Variants in HNRNPA1L2 observed in about 807,000 individuals in gnomAD.
The protein encoded by HNRNPA1L2 is heterogeneous nuclear ribonucleoprotein A1-like 2.
A neutral mutation model predicts 18.2 loss-of-function variants in HNRNPA1L2; 10 were observed. That is an observed-to-expected ratio of 0.55 (90% confidence interval 0.34 to 0.93). The LOEUF (loss-of-function observed/expected upper bound fraction) is 0.93. Ranked by LOEUF, HNRNPA1L2 falls within the 40% of genes least tolerant of loss-of-function variation. The probability of loss-of-function intolerance (pLI) is 0.02; values close to 1 mark genes in which losing one functional copy is unlikely to be tolerated. For synonymous variants in HNRNPA1L2, 124 were observed against 138.6 expected, an observed-to-expected ratio of 0.89 and a Z score of 0.74; for missense variants, 308 against 394.4, an observed-to-expected ratio of 0.78 and a Z score of 1.85.
In HNRNPA1L2 at chr13:52,642,765, C is replaced by A. The variant is rs1961701128; in HGVS notation, c.273C>A (p.Ser91=). 1 of 1,598,370 alleles carries A rather than the reference C, an allele frequency of 6.3e-7. No homozygotes were observed. The highest frequency in any genetic ancestry group is 1.3e-5 in the African/African-American group (1 of 74,960). Residue 91 remains serine, a synonymous_variant, in exon 1 of 1, where the codon TCC becomes TCA. Coordinates refer to ENST00000357495, the MANE Select transcript of HNRNPA1L2 (RefSeq NM_001389320.1). ...TTGTGGAACCAAAGAGAGCTGTCTC[C>A]AGAGAAGATTCTCAAAGACCAGGTG... ...GRVVEPKRAV[S]REDSQRPGAH...
the HNRNPA1L2 span, among the ~76,000 whole-genome samples, chr13:52,626,357 G>A: frequency 1.3e-5 from 2 of 150,392 alleles, no homozygotes; most frequent in Admixed American, 6.7e-5. Context: ...TCAGGAAGAT[G>A]ATGTGGGAGG....
At position 52,643,377 on chromosome 13, in the gene HNRNPA1L2, C is replaced by G; in HGVS notation, c.885C>G (p.Tyr295Ter). 1 of 1,598,640 alleles carries G rather than the reference C, an allele frequency of 6.3e-7. No homozygotes were observed. Among genetic ancestry groups the G allele is most frequent in the Non-Finnish European group, 8.5e-7 (1 of 1,179,778 alleles). ...SSGPYGGGGQ[Y>*]FAKPQNQGGY... ...GCCCCTATGGCGGTGGAGGCCAATA[C>G]TTTGCAAAACCACAAAACCAAGGTG... The change falls in exon 1 of 1, where the codon TAC becomes TAG. Residue 295 changes from tyrosine to a stop codon, truncating the protein, a stop_gained. Coordinates refer to ENST00000357495, the MANE Select transcript of HNRNPA1L2 (RefSeq NM_001389320.1). LOFTEE classifies it high-confidence loss of function.
the HNRNPA1L2 span, among the ~76,000 whole-genome samples, chr13:52,620,902 T>C: frequency 0.061 from 9,336 of 151,924 alleles, 328 homozygotes; most frequent in African/African-American, 0.095. Context: ...AATTTCTATA[T>C]ATATTAAAGT....
At chr13:52,619,892 G>T in the HNRNPA1L2 span, among the ~76,000 whole-genome samples, 3 of 127,878 alleles carry the variant, frequency 2.3e-5, no homozygotes, top group Non-Finnish European at 1.5e-5. Context: ...CTGCACTCTA[G>T]CCTGGCGACA....
At chr13:52,627,319 T>A in the HNRNPA1L2 span, 1 of 152,376 alleles carries the variant, frequency 6.6e-6, no homozygotes, top group Non-Finnish European at 1.5e-5. Context: ...AATTGAATGA[T>A]ACTTTTTTGA....
rs763531396 is a variant in HNRNPA1L2 at position 52,642,582 on chromosome 13, G to A, written c.90G>A (p.Leu30=). ...GLSFETTDES[L]RSHFEQWGTL... ...GCTTTGAAACAACTGATGAGAGCCTGAGGAGCCATTTTGAGCAATGGGGAA... is the reference window on the plus strand; with the variant it reads ...GCTTTGAAACAACTGATGAGAGCCTAAGGAGCCATTTTGAGCAATGGGGAA... The change falls in exon 1 of 1, where the codon CTG becomes CTA. Residue 30 remains leucine (L), a synonymous_variant. Transcript: ENST00000357495. 2.8e-5 allele frequency: 45 copies of A among 1,611,850 alleles called. No homozygotes were observed. Among genetic ancestry groups the A allele is most frequent in the Non-Finnish European group, 3.6e-5 (42 of 1,179,860 alleles).
At chr13:52,630,470 TC>T in the HNRNPA1L2 span, among the ~76,000 whole-genome samples, 1 of 152,098 alleles carries the variant, frequency 6.6e-6, no homozygotes, top group Admixed American at 6.5e-5. Flanking sequence ...AGACAGGGTT[TC>T]ACCATGTTGG....
chr13:52,625,389 A>G, the HNRNPA1L2 span, among the ~76,000 whole-genome samples: 1 of 152,148 alleles, frequency 6.6e-6, no homozygotes, highest in Non-Finnish European at 1.5e-5. Flanking sequence ...TGCTGGGATT[A>G]CTGCCATGAG....
chr13:52,621,207 T>A, the HNRNPA1L2 span, among the ~76,000 whole-genome samples: 1 of 152,182 alleles, frequency 6.6e-6, no homozygotes, highest in Admixed American at 6.5e-5. Flanking sequence ...AGTATAGATG[T>A]AATCATTTGT....
the HNRNPA1L2 span, among the ~76,000 whole-genome samples, chr13:52,620,082 T>C: frequency 1.3e-5 from 2 of 152,186 alleles, no homozygotes; most frequent in Non-Finnish European, 2.9e-5. Flanking sequence ...TCTGACGTTT[T>C]CATAAGCAGA....
Position 52,643,263 on chromosome 13 carries a change from T to C in HNRNPA1L2, c.771T>C (p.Gly257=), listed in dbSNP as rs1224292000. 1 of 1,591,830 alleles carries C rather than the reference T, an allele frequency of 6.3e-7. No homozygotes were observed. Among genetic ancestry groups the C allele is most frequent in the Non-Finnish European group, 8.5e-7 (1 of 1,174,850 alleles). The change falls in exon 1 of 1, where the codon GGT becomes GGC. Residue 257 remains glycine (G), a synonymous_variant. Coordinates refer to ENST00000357495, the MANE Select transcript of HNRNPA1L2 (RefSeq NM_001389320.1). ...FGNDGSNFGG[G]GSYNDFGNYN... ...ATGATGGAAGCAATTTTGGAGGTGG[T>C]GGAAGCTACAATGATTTTGGCAATT...
At chr13:52,629,367 G>A in the HNRNPA1L2 span, 1 of 225,786 alleles carries the variant, frequency 4.4e-6, no homozygotes. Flanking sequence ...CAGGTATCAG[G>A]CTTTGTAGTC....
At chr13:52,631,342 A>AC in the HNRNPA1L2 span, among the ~76,000 whole-genome samples, 12 of 152,232 alleles carry the variant, frequency 7.9e-5, 1 homozygote, top group Admixed American at 6.5e-4. Flanking sequence ...TAGAAAAGAA[A>AC]CCACGTATAA....
the HNRNPA1L2 span, among the ~76,000 whole-genome samples, chr13:52,631,106 C>T: frequency 6.6e-6 from 1 of 152,130 alleles, no homozygotes; most frequent in Non-Finnish European, 1.5e-5. Context: ...AAGTTGTTCA[C>T]CCTGATATGA....
chr13:52,629,957 G>A, the HNRNPA1L2 span, among the ~76,000 whole-genome samples: 1 of 152,114 alleles, frequency 6.6e-6, no homozygotes, highest in Non-Finnish European at 1.5e-5. Context: ...ACGTGGTGGT[G>A]AGCTCCTGCA....
the HNRNPA1L2 span, chr13:52,617,728 C>T: frequency 2.3e-6 from 1 of 432,114 alleles, no homozygotes; most frequent in Non-Finnish European, 4.2e-6. Context: ...TCGGGCATCC[C>T]TGTGCCCCGT....
chr13:52,625,944 T>A, the HNRNPA1L2 span, among the ~76,000 whole-genome samples: 1 of 147,898 alleles, frequency 6.8e-6, no homozygotes, highest in African/African-American at 2.5e-5. Context: ...TCCTGGCTAA[T>A]TTTTTTTTTT....
In HNRNPA1L2 at chr13:52,643,712, A is replaced by G. The variant is rs1961743495; in HGVS notation, c.*257A>G. On this transcript the variant is annotated 3_prime_UTR_variant, in exon 1 of 1. Coordinates refer to ENST00000357495, the MANE Select transcript of HNRNPA1L2 (RefSeq NM_001389320.1). ...ATTCCAACAAAGTGTTTTAATGTAG[A>G]TTTTTTTTTTTGCACCCATGCTGTT... is the stretch of plus-strand genomic sequence containing the variant. 5 of 443,282 alleles carry G rather than the reference A, an allele frequency of 1.1e-5. No homozygotes were observed. Among genetic ancestry groups the G allele is most frequent in the Non-Finnish European group, 2.0e-5 (5 of 246,498 alleles). 27.5% of individuals were successfully genotyped at this position (443,282 alleles called of 1,614,324 possible).
chr13:52,626,729 A>G, the HNRNPA1L2 span, among the ~76,000 whole-genome samples: 1 of 152,008 alleles, frequency 6.6e-6, no homozygotes, highest in African/African-American at 2.4e-5. Flanking sequence ...TACATACATT[A>G]AAGTGTACAA....
Sources: allele counts gnomAD v4.1 joint callset (sites outside exome capture counted in the v4.1 genomes callset), GRCh38; gene constraint gnomAD v4.1.1; transcripts MANE v1.5; gene names NCBI Gene and HGNC (gene_info 2026-07-23, HGNC 2026-07-21).